The following CWF19L2 variants were observed in gnomAD, a reference collection of about 807,000 sequenced individuals.
The protein encoded by CWF19L2 is CWF19 like cell cycle control factor 2, also known as CWF19-like protein 2.
CWF19L2 carries 98 observed loss-of-function variants against 111.7 expected under a neutral mutation model. That is an observed-to-expected ratio of 0.88 (90% CI 0.75 to 1.04). CWF19L2 has a LOEUF of 1.04. CWF19L2 is among the 50% of genes least tolerant of loss of function. The pLI, the probability that CWF19L2 is intolerant of heterozygous loss-of-function variation, is 0.00. For missense variants in CWF19L2, 1,101 were observed against 1,051.4 expected (o/e 1.05, Z -0.65); for synonymous variants, 351 against 342.9 (o/e 1.02, Z -0.26).
At chr11:107,364,412 C>T (rs1860406408) in intron 12 of CWF19L2, among the ~76,000 whole-genome samples, 1 of 148,540 alleles carries the variant, frequency 6.7e-6, no homozygotes, top group Non-Finnish European at 1.5e-5. Flanking sequence ...AAATTGACCA[C>T]ATACTTGGAA....
At chr11:107,361,013 G>C (rs1199535359) in intron 12 of CWF19L2, among the ~76,000 whole-genome samples, 1 of 152,122 alleles carries the variant, frequency 6.6e-6, no homozygotes, top group Non-Finnish European at 1.5e-5. Flanking sequence ...TCTTAGTAAT[G>C]AATTCTTCGC....
At position 107,439,035 on chromosome 11, in the gene CWF19L2, G is replaced by GAAGAAAA; in HGVS notation, c.664+54_664+55insTTTTCTT. On this transcript the variant is annotated intron_variant, in intron 6 of 17. Coordinates refer to ENST00000282251, the MANE Select transcript of CWF19L2 (RefSeq NM_152434.3). ...GGCTGACAGAGCGAGACTCTGTCTCGAAAAAAAAAAAAAAAAAAAAACCCT... is the reference window on the plus strand; with the variant it reads ...GGCTGACAGAGCGAGACTCTGTCTCGAAGAAAAAAAAAAAAAAAAAAAAAAAAACCCT... 4 of 288,600 alleles carry GAAGAAAA rather than the reference G, an allele frequency of 1.4e-5. No individual in the cohort carries two copies. In the East Asian group the frequency reaches 3.3e-4, roughly 24 times the overall value. The allele number at this position is 288,600 out of a possible 1,614,324, so 17.9% of individuals were successfully genotyped here.
intron 12 of CWF19L2, among the ~76,000 whole-genome samples, chr11:107,361,811 G>A (rs1860343436): frequency 6.6e-6 from 1 of 152,162 alleles, no homozygotes; most frequent in Admixed American, 6.5e-5. Flanking sequence ...GGAAGATGTT[G>A]GGGGAGGAGC....
At chr11:107,364,295 A>G in intron 12 of CWF19L2, among the ~76,000 whole-genome samples, 2 of 145,842 alleles carry the variant, frequency 1.4e-5, no homozygotes, top group Non-Finnish European at 3.0e-5. Context: ...ATACCCAGGA[A>G]TTGAACTCAG....
chr11:107,442,806 GGGAGGGAGGGA>G (rs1290036088), intron 4 of CWF19L2, 122 bp downstream of exon 4: 9 of 395,594 alleles, frequency 2.3e-5, no homozygotes, highest in Non-Finnish European at 4.0e-5. Context: ...GAGGGAGGGA[GGGAGGGAGGGA>G]GGGGGAGGGA....
In CWF19L2 at chr11:107,349,055, T is replaced by C. The variant is rs745499841; in HGVS notation, c.2086-2A>G. ...TACGTTGGGTAAACATAAATAAACC[T>C]ATAAGAGAGAAATACAAAAGGTGAA... On this transcript the variant is annotated splice_acceptor_variant, in intron 13 of 17. Coordinates refer to ENST00000282251, the MANE Select transcript of CWF19L2 (RefSeq NM_152434.3). LOFTEE classifies it high-confidence loss of function. 1 of 1,481,866 alleles carries C rather than the reference T, an allele frequency of 6.7e-7. No homozygotes were observed. The highest frequency in any genetic ancestry group is 1.4e-5 in the African/African-American group (1 of 71,960). 91.8% of individuals were successfully genotyped at this position (1,481,866 alleles called of 1,614,324 possible).
At chr11:107,439,516 T>G (rs1861590347) in intron 5 of CWF19L2, among the ~76,000 whole-genome samples, 2 of 152,176 alleles carry the variant, frequency 1.3e-5, no homozygotes, top group Admixed American at 1.3e-4. Flanking sequence ...TATACAGTAC[T>G]GAGGATGCAA....
rs11456432 is a variant in CWF19L2, at chr11:107,445,604, T to TAA, written c.340-2557_340-2556dup. ...GGGGGACAAGAGCAAAACTCCGCCT[T>TAA]AAAAAAAAAAAAAAAGTAGTAGCCC... is the stretch of plus-strand genomic sequence containing the variant. On this transcript the variant is annotated intron_variant, in intron 3 of 17. Coordinates refer to ENST00000282251, the MANE Select transcript of CWF19L2 (RefSeq NM_152434.3). Among the ~76,000 whole-genome samples the TAA allele has an allele frequency of 1.8e-3, 259 of 143,782 alleles. 1 individual carries two copies. The highest frequency in any genetic ancestry group is 3.5e-3 in the African/African-American group (135 of 39,006). 94.3% of individuals were successfully genotyped at this position (143,782 alleles called of 152,430 possible). A position where few individuals can be genotyped will look rare whatever the true frequency, so the allele number is the denominator to read the frequency against.
At chr11:107,444,362 T>C (rs1271326666) in intron 3 of CWF19L2, among the ~76,000 whole-genome samples, 4 of 152,164 alleles carry the variant, frequency 2.6e-5, no homozygotes, top group Non-Finnish European at 5.9e-5. Flanking sequence ...AGTCTTCAGC[T>C]CTCTAGACCT....
At chr11:107,441,384 GTATTA>G in intron 5 of CWF19L2, 114 bp downstream of exon 5, 1 of 831,008 alleles carries the variant, frequency 1.2e-6, no homozygotes, top group Non-Finnish European at 1.7e-6. Flanking sequence ...CTCACTAATT[GTATTA>G]AATACTATAA....
At chr11:107,406,792 A>G (rs1041214136) in intron 10 of CWF19L2, among the ~76,000 whole-genome samples, 4 of 149,200 alleles carry the variant, frequency 2.7e-5, no homozygotes, top group African/African-American at 9.9e-5. Flanking sequence ...TTTCTATTTT[A>G]GTAATTTCAG....
At chr11:107,395,493 AT>A (rs538020778) in intron 10 of CWF19L2, among the ~76,000 whole-genome samples, 10 of 152,148 alleles carry the variant, frequency 6.6e-5, no homozygotes, top group Admixed American at 1.3e-4. Context: ...TTCTATGATT[AT>A]TTTTTATTGT....
chr11:107,442,847 G>T, intron 4 of CWF19L2, 92 bp downstream of exon 4: 3 of 605,376 alleles, frequency 5.0e-6, no homozygotes, highest in Admixed American at 2.5e-5. Context: ...GGACAGAGAG[G>T]GAGGGAGGGA....
chr11:107,397,753 T>G (rs1860945087), intron 10 of CWF19L2, among the ~76,000 whole-genome samples: 2 of 152,076 alleles, frequency 1.3e-5, no homozygotes, highest in Non-Finnish European at 2.9e-5. Flanking sequence ...CTAAGAACCC[T>G]CACGGAGTTC....
intron 3 of CWF19L2, among the ~76,000 whole-genome samples, chr11:107,445,604 T>TAAA (rs11456432): frequency 2.1e-5 from 3 of 143,836 alleles, no homozygotes; most frequent in African/African-American, 2.6e-5. Context: ...AACTCCGCCT[T>TAAA]AAAAAAAAAA....
At position 107,390,064 on chromosome 11, in the gene CWF19L2, T is replaced by C; in HGVS notation, c.1872+10A>G. 6.2e-7 allele frequency: 1 copy of C among 1,611,162 alleles called. No individual in the cohort carries two copies. On this transcript the variant is annotated intron_variant, in intron 12 of 17. Transcript: ENST00000282251. ...TCAAAATTCAGAGGTATCCTAGGAA[T>C]ATATCTTACCTTAGATGCCATTCTC...
intron 12 of CWF19L2, among the ~76,000 whole-genome samples, chr11:107,386,862 T>C (rs1019866600): frequency 8.5e-5 from 13 of 152,086 alleles, no homozygotes; most frequent in African/African-American, 2.4e-4. Flanking sequence ...GAGACCATCC[T>C]GGCCAACATG....
At chr11:107,350,100 GAGAAA>G (rs779694951) in intron 13 of CWF19L2, among the ~76,000 whole-genome samples, 4 of 152,028 alleles carry the variant, frequency 2.6e-5, no homozygotes, top group Non-Finnish European at 5.9e-5. Flanking sequence ...ATACATAAAA[GAGAAA>G]AGAAAATTCA....
chr11:107,430,204 C>A, intron 7 of CWF19L2, among the ~76,000 whole-genome samples: 1 of 147,072 alleles, frequency 6.8e-6, no homozygotes, highest in African/African-American at 2.5e-5. Flanking sequence ...AATCTCAAAA[C>A]TCAAGGAAAA....
Sources: gnomAD v4.1 joint callset for allele counts (sites outside exome capture counted in the v4.1 genomes callset) on GRCh38, gnomAD v4.1.1 for gene constraint, MANE v1.5 for transcripts, NCBI Gene and HGNC (gene_info 2026-07-23, HGNC 2026-07-21) for gene names.